PCGF5: variants seen among roughly 807,000 people sequenced by gnomAD.
The protein encoded by PCGF5 is polycomb group ring finger 5, also known as polycomb group RING finger protein 5.
In PCGF5, 9 loss-of-function variants were observed where a neutral mutation model predicts 44.3. That is an observed-to-expected ratio of 0.20 (90% confidence interval 0.12 to 0.35). The LOEUF is 0.35. Among genes scored for constraint, PCGF5 ranks in the 10% least tolerant of loss-of-function variants. PCGF5 has a pLI of 1.00. For synonymous variants in PCGF5, 95 were observed against 102.5 expected (o/e 0.93, Z 0.44); for missense variants, 146 against 305.3 (o/e 0.48, Z 3.89).
At position 91,283,272 on chromosome 10, in the gene PCGF5, TA is replaced by T. The variant is rs1846497344; in HGVS notation, c.*4960del. ...TCGAGCACTTCCTTTCAGAAAGTTA[TA>T]AAATTAAAAATAATTATTTTAAATG... is the stretch of plus-strand genomic sequence containing the variant. On this transcript the variant is annotated 3_prime_UTR_variant, in exon 10 of 10. Transcript: ENST00000336126. 6.6e-6 allele frequency: 1 copy of T among 152,224 alleles called. No homozygotes were observed. The highest frequency in any genetic ancestry group is 1.5e-5 in the Non-Finnish European group (1 of 68,042). The allele number at this position is 152,224 out of a possible 1,614,324, so 9.4% of individuals were successfully genotyped here. A position where few individuals can be genotyped will look rare whatever the true frequency, so the allele number is the denominator to read the frequency against.
intron 1 of PCGF5, among the ~76,000 whole-genome samples, chr10:91,194,000 A>G (rs758795897): frequency 2.0e-5 from 3 of 152,216 alleles, no homozygotes; most frequent in Non-Finnish European, 4.4e-5. Flanking sequence ...CTGAATAGCT[A>G]GAAAAATGGA....
chr10:91,224,970 T>C (rs1039007212), intron 2 of PCGF5, among the ~76,000 whole-genome samples: 1 of 152,080 alleles, frequency 6.6e-6, no homozygotes, highest in Non-Finnish European at 1.5e-5. Flanking sequence ...TTGTTCATTG[T>C]TTTTAATTTT....
chr10:91,276,116 A>AAG (rs1208802169), intron 9 of PCGF5, among the ~76,000 whole-genome samples: 5 of 151,972 alleles, frequency 3.3e-5, no homozygotes, highest in African/African-American at 1.2e-4. Context: ...AAAAAAAAAA[A>AAG]CGAATGTAGA....
intron 6 of PCGF5, among the ~76,000 whole-genome samples, chr10:91,257,686 G>A (rs1289326981): frequency 1.3e-5 from 2 of 152,062 alleles, no homozygotes; most frequent in African/African-American, 4.8e-5. Flanking sequence ...ATGCAGAATT[G>A]TATGCAGCTT....
chr10:91,258,236 C>T (rs967377679), intron 6 of PCGF5, among the ~76,000 whole-genome samples: 10 of 151,930 alleles, frequency 6.6e-5, no homozygotes, highest in Admixed American at 2.6e-4. Context: ...TACAACTTTG[C>T]GAATAGTATA....
intron 1 of PCGF5, among the ~76,000 whole-genome samples, chr10:91,163,563 C>G (rs188464826): frequency 0.015 from 2,277 of 152,202 alleles, 65 homozygotes; most frequent in African/African-American, 0.052. Context: ...GGGCCCTTCC[C>G]CCGCCGGCAG....
chr10:91,179,796 G>A (rs553334620), intron 1 of PCGF5, among the ~76,000 whole-genome samples: 2 of 152,310 alleles, frequency 1.3e-5, no homozygotes, highest in African/African-American at 4.8e-5. Flanking sequence ...TGTGAATAGT[G>A]CTGTGATAAA....
At chr10:91,168,620 C>T (rs1305870645) in intron 1 of PCGF5, among the ~76,000 whole-genome samples, 1 of 151,988 alleles carries the variant, frequency 6.6e-6, no homozygotes, top group Non-Finnish European at 1.5e-5. Flanking sequence ...AGAAAAGTGT[C>T]AATGAAGCTT....
rs200357985 is a variant in PCGF5, at chr10:91,248,646, A to T, written c.266-19A>T. On this transcript the variant is annotated intron_variant, in intron 4 of 9. Coordinates refer to ENST00000336126, the MANE Select transcript of PCGF5 (RefSeq NM_032373.5). ...AAGATTTCATGACTTTTACTTTTAT[A>T]CTCTTTCTTTTAAATTAGAAGAACT... 16 of 1,601,720 alleles carry T rather than the reference A, an allele frequency of 1.0e-5. No homozygotes were observed. The Admixed American group carries it at 1.0e-4, about 10-fold the overall frequency.
intron 9 of PCGF5, among the ~76,000 whole-genome samples, chr10:91,274,122 T>TA (rs1202162011): frequency 2.0e-5 from 3 of 151,974 alleles, no homozygotes; most frequent in Non-Finnish European, 4.4e-5. Context: ...TGTATGTATA[T>TA]ATATATGTAA....
At chr10:91,184,031 A>G (rs372661166) in intron 1 of PCGF5, among the ~76,000 whole-genome samples, 1 of 151,926 alleles carries the variant, frequency 6.6e-6, no homozygotes, top group African/African-American at 2.4e-5. Flanking sequence ...TCTGATGATT[A>G]TGTGTCTTGG....
chr10:91,203,827 A>G (rs950348748), intron 1 of PCGF5, among the ~76,000 whole-genome samples: 2 of 152,184 alleles, frequency 1.3e-5, no homozygotes, highest in Non-Finnish European at 2.9e-5. Context: ...AACAACAAAA[A>G]CAAGTGTATA....
At chr10:91,235,296 G>A (rs1161383871) in intron 2 of PCGF5, among the ~76,000 whole-genome samples, 1 of 152,182 alleles carries the variant, frequency 6.6e-6, no homozygotes, top group Non-Finnish European at 1.5e-5. Context: ...CACTGCTTTA[G>A]ATGATGCAGT....
chr10:91,157,713 G>C, the PCGF5 span, among the ~76,000 whole-genome samples: 1 of 152,176 alleles, frequency 6.6e-6, no homozygotes, highest in Non-Finnish European at 1.5e-5. Flanking sequence ...AAGCCAGGAG[G>C]GGAGTTGACA....
intron 2 of PCGF5, among the ~76,000 whole-genome samples, chr10:91,232,600 T>C (rs1339428203): frequency 6.6e-6 from 1 of 152,130 alleles, no homozygotes; most frequent in Admixed American, 6.5e-5. Flanking sequence ...ATCAGTGTTC[T>C]TAGGTCATGG....
chr10:91,184,734 T>C (rs2133199600), intron 1 of PCGF5, among the ~76,000 whole-genome samples: 1 of 152,220 alleles, frequency 6.6e-6, no homozygotes, highest in Non-Finnish European at 1.5e-5. Flanking sequence ...GTTTTTTTTT[T>C]CCTATTTTTA....
At chr10:91,215,568 C>A (rs149961021), upstream of PCGF5, among the ~76,000 whole-genome samples, 2 of 152,332 alleles carry the variant, frequency 1.3e-5, no homozygotes, top group Non-Finnish European at 2.9e-5. Flanking sequence ...AGTTTGCTGT[C>A]TTTGAAAAGA....
At chr10:91,274,923 C>A (rs992979247) in intron 9 of PCGF5, among the ~76,000 whole-genome samples, 7 of 152,054 alleles carry the variant, frequency 4.6e-5, no homozygotes, top group African/African-American at 1.7e-4. Flanking sequence ...GAATTCAATT[C>A]TACCTCACAT....
At chr10:91,277,830 G>T (rs756708200) in intron 9 of PCGF5, among the ~76,000 whole-genome samples, 18 of 152,114 alleles carry the variant, frequency 1.2e-4, no homozygotes, top group Non-Finnish European at 1.2e-4. Context: ...AGCAGAGGGG[G>T]TCTCTTTGTT....
Sources: allele counts gnomAD v4.1 joint callset (sites outside exome capture counted in the v4.1 genomes callset), GRCh38; gene constraint gnomAD v4.1.1; transcripts MANE v1.5; gene names NCBI Gene and HGNC (gene_info 2026-07-23, HGNC 2026-07-21).